The following MAK variants were observed in gnomAD, a reference collection of about 807,000 sequenced individuals.
MAK encodes the protein male germ cell associated kinase.
Under a neutral mutation model 82.6 loss-of-function variants are expected in MAK, and 65 were observed. That is an observed-to-expected ratio of 0.79 (90% CI 0.64 to 0.97). MAK has a LOEUF of 0.97. MAK is among the 50% of genes least tolerant of loss of function. The pLI is 0.00. For synonymous variants in MAK, 250 were observed against 274.2 expected (o/e 0.91, Z 0.87); for missense variants, 703 against 780.2 (o/e 0.90, Z 1.18).
intron 5 of MAK, among the ~76,000 whole-genome samples, chr6:10,812,704 G>C (rs2127569791): frequency 6.6e-6 from 1 of 152,068 alleles, no homozygotes; most frequent in South Asian, 2.1e-4. Flanking sequence ...AAAGGCTGAT[G>C]ATGATTAAAC....
At chr6:10,782,723 G>A (rs1203970411) in intron 11 of MAK, among the ~76,000 whole-genome samples, 2 of 151,590 alleles carry the variant, frequency 1.3e-5, no homozygotes, top group Non-Finnish European at 2.9e-5. Context: ...GATTACAGAT[G>A]CCCACCACCA....
chr6:10,831,760 T>A (rs568065383), intron 1 of MAK, among the ~76,000 whole-genome samples: 32 of 151,746 alleles, frequency 2.1e-4, no homozygotes, highest in East Asian at 5.8e-4. Flanking sequence ...GAAAAAAAAA[T>A]TTTTTAATAA....
In MAK at chr6:10,806,787, C is replaced by T. The variant is rs1313944735; in HGVS notation, c.491+2023G>A. The stretch of plus-strand genomic sequence containing the variant: ...GGATTCAGGTGTGAGCCACCACGCC[C>T]GGCCTGACCTTCTCCACCATGTTTT... On this transcript the variant is annotated intron_variant, in intron 6 of 14. Coordinates refer to ENST00000354489, the MANE Select transcript of MAK (RefSeq NM_001242957.3). 5.9e-5 allele frequency among the ~76,000 whole-genome samples: 9 copies of T among 152,192 alleles called. No homozygotes were observed. In the East Asian group the frequency reaches 9.7e-4, roughly 16 times the overall value.
intron 10 of MAK, among the ~76,000 whole-genome samples, chr6:10,785,636 GC>G (rs1330396743): frequency 6.6e-6 from 1 of 152,334 alleles, no homozygotes; most frequent in East Asian, 1.9e-4. Flanking sequence ...CTTCCCCTGA[GC>G]CCACTGCTGT....
At chr6:10,815,799 C>T (rs1264630095) in intron 4 of MAK, among the ~76,000 whole-genome samples, 2 of 151,384 alleles carry the variant, frequency 1.3e-5, no homozygotes, top group Admixed American at 1.3e-4. Flanking sequence ...AACAAGTTTT[C>T]AAAATCTGAT....
intron 5 of MAK, among the ~76,000 whole-genome samples, chr6:10,813,086 T>TATATA (rs1777095711): frequency 2.9e-5 from 1 of 34,904 alleles, no homozygotes; most frequent in African/African-American, 1.0e-4. Context: ...TTATGTATTT[T>TATATA]TATATATATA....
chr6:10,828,999 T>C (rs868718182), intron 2 of MAK: 1 of 152,228 alleles, frequency 6.6e-6, no homozygotes, highest in Non-Finnish European at 1.5e-5. Flanking sequence ...TGTGATACTT[T>C]GTTACAGCAG....
intron 9 of MAK, 110 bp from the exon 10 acceptor site, chr6:10,791,957 C>T (rs1386655267): frequency 8.2e-7 from 1 of 1,223,244 alleles, no homozygotes; most frequent in African/African-American, 1.5e-5. Context: ...AAGGAGCGTT[C>T]CATACATGTA....
chr6:10,782,226 A>G (rs1341889694), intron 11 of MAK, among the ~76,000 whole-genome samples: 11 of 146,012 alleles, frequency 7.5e-5, no homozygotes, highest in African/African-American at 2.8e-4. Flanking sequence ...ACACACACAC[A>G]CACACACACA....
chr6:10,812,610 C>T (rs1777030654), intron 5 of MAK, among the ~76,000 whole-genome samples: 2 of 151,714 alleles, frequency 1.3e-5, no homozygotes. Flanking sequence ...CTAATCTTTT[C>T]CAAAAGAAGG....
At chr6:10,819,154 T>G (rs116162923) in intron 2 of MAK, among the ~76,000 whole-genome samples, 2,839 of 152,332 alleles carry the variant, frequency 0.019, 38 homozygotes, top group Middle Eastern at 0.031. Flanking sequence ...GTGAAAAAAT[T>G]ACCATTAATC....
intron 1 of MAK, chr6:10,838,174 CTA>C (rs1320092912): frequency 1.3e-5 from 2 of 152,360 alleles, no homozygotes; most frequent in African/African-American, 2.4e-5. Flanking sequence ...GGGTCTCAGG[CTA>C]AGGGACGCCC....
Position 10,807,327 on chromosome 6 carries a change from CA to C in MAK, c.491+1482del, listed in dbSNP as rs1776554571. 2.2e-4 allele frequency among the ~76,000 whole-genome samples: 30 copies of C among 137,256 alleles called. 1 individual carries two copies. The South Asian group carries it at 7.3e-3, about 33-fold the overall frequency. The allele number at this position is 137,256 out of a possible 152,430, so 90.0% of individuals were successfully genotyped here. ...TAATAATGTATCAACATCTGATACA[CA>C]TATATTCCTTTTTTTTTTTTTTTTT... On this transcript the variant is annotated intron_variant, in intron 6 of 14. Transcript: ENST00000354489.
At chr6:10,826,192 G>A (rs963258071) in intron 2 of MAK, among the ~76,000 whole-genome samples, 4 of 151,264 alleles carry the variant, frequency 2.6e-5, no homozygotes, top group Admixed American at 6.6e-5. Flanking sequence ...ACTCTCTCTC[G>A]CCTCCAGGGC....
intron 1 of MAK, among the ~76,000 whole-genome samples, chr6:10,837,124 A>G (rs952110237): frequency 6.6e-6 from 1 of 152,234 alleles, no homozygotes; most frequent in African/African-American, 2.4e-5. Context: ...GATGTCTTCA[A>G]CGTGGCTTTC....
At chr6:10,812,007 C>T (rs1776972911) in intron 5 of MAK, among the ~76,000 whole-genome samples, 1 of 151,992 alleles carries the variant, frequency 6.6e-6, no homozygotes, top group Non-Finnish European at 1.5e-5. Context: ...CAAGACCAGC[C>T]TGGGAAAAAT....
intron 9 of MAK, 26 bp from the exon 10 acceptor site, chr6:10,791,873 A>G: frequency 3.1e-6 from 5 of 1,612,532 alleles, no homozygotes; most frequent in Non-Finnish European, 4.2e-6. Context: ...AGTCATCATA[A>G]TCTTTAATCA....
In MAK at chr6:10,764,515, T is replaced by C; in HGVS notation, c.1884A>G (p.Ala628=). The C allele has an allele frequency of 6.2e-7, 1 of 1,614,040 alleles. No homozygotes were observed. The highest frequency in any genetic ancestry group is 2.2e-5 in the East Asian group (1 of 44,880). ...TCCCATGCACTGAGGGAATGGGCTGTGCACGGTTCACAATATTTAGGTTTT... is the reference window on the plus strand; with the variant it reads ...TCCCATGCACTGAGGGAATGGGCTGCGCACGGTTCACAATATTTAGGTTTT... ...TAKNLNIVNR[A]QPIPSVHGRT... Residue 628 remains alanine (A), a synonymous_variant, in exon 15 of 15, where the codon GCA becomes GCG. Coordinates refer to ENST00000354489, the MANE Select transcript of MAK (RefSeq NM_001242957.3).
At chr6:10,795,801 A>T (rs1471186619) in intron 9 of MAK, among the ~76,000 whole-genome samples, 197 bp downstream of exon 9, 1 of 152,200 alleles carries the variant, frequency 6.6e-6, no homozygotes, top group Non-Finnish European at 1.5e-5. Context: ...GGTTACTTTT[A>T]TCCTGAAAGT....
Sources: gnomAD v4.1 joint callset for allele counts (sites outside exome capture counted in the v4.1 genomes callset) on GRCh38, gnomAD v4.1.1 for gene constraint, MANE v1.5 for transcripts, NCBI Gene and HGNC (gene_info 2026-07-23, HGNC 2026-07-21) for gene names.